The following ZZZ3 variants were observed in gnomAD, a reference collection of about 807,000 sequenced individuals.
The protein encoded by ZZZ3 is ZZ-type zinc finger-containing protein 3.
Under a neutral mutation model 95.2 loss-of-function variants are expected in ZZZ3, and 22 were observed. The observed-to-expected ratio is 0.23, with a 90% CI of 0.17 to 0.33. The LOEUF is 0.33. ZZZ3 is among the 10% of genes least tolerant of loss of function. The pLI is 1.00. For missense variants in ZZZ3, 885 were observed against 1,066.5 expected (o/e 0.83, Z 2.37); for synonymous variants, 335 against 358.9 (o/e 0.93, Z 0.75).
chr1:77,576,838 T>A (rs4949661), intron 11 of ZZZ3, among the ~76,000 whole-genome samples: 92,878 of 151,942 alleles, frequency 0.61, 30,542 homozygotes, highest in Non-Finnish European at 0.74. Flanking sequence ...TTGGGCCACA[T>A]TCAAAGCTGT....
chr1:77,681,076 T>C (rs1334469300), intron 1 of ZZZ3, among the ~76,000 whole-genome samples: 1 of 152,182 alleles, frequency 6.6e-6, no homozygotes, highest in Non-Finnish European at 1.5e-5. Context: ...TTTAATTTAG[T>C]TAAAAAATGT....
chr1:77,587,774 C>T (rs1157577925), intron 5 of ZZZ3, among the ~76,000 whole-genome samples: 2 of 152,174 alleles, frequency 1.3e-5, no homozygotes, highest in Non-Finnish European at 2.9e-5. Flanking sequence ...TCCACTTATA[C>T]ACAAATTTTC....
chr1:77,669,010 CAA>C (rs77072107), intron 1 of ZZZ3, among the ~76,000 whole-genome samples: 1 of 123,232 alleles, frequency 8.1e-6, no homozygotes, highest in Admixed American at 8.3e-5. Context: ...TTTTGTGTTA[CAA>C]AAAAAAAAAA....
At chr1:77,682,786 G>C (rs1168085340), upstream of ZZZ3, 1 of 152,216 alleles carries the variant, frequency 6.6e-6, no homozygotes, top group Non-Finnish European at 1.5e-5. Flanking sequence ...CTTCACTAAC[G>C]GAGTAGTGAA....
At chr1:77,656,569 T>G (rs940052512) in intron 1 of ZZZ3, among the ~76,000 whole-genome samples, 4 of 152,354 alleles carry the variant, frequency 2.6e-5, no homozygotes, top group Admixed American at 6.5e-5. Flanking sequence ...CTGAAATATC[T>G]TTTGATATCA....
chr1:77,597,266 C>T (rs1344316899), intron 5 of ZZZ3, among the ~76,000 whole-genome samples: 1 of 151,976 alleles, frequency 6.6e-6, no homozygotes, highest in Non-Finnish European at 1.5e-5. Flanking sequence ...ACATTATAAT[C>T]CAAAGTATAA....
chr1:77,662,933 C>A (rs1670935614), intron 1 of ZZZ3, among the ~76,000 whole-genome samples: 1 of 152,012 alleles, frequency 6.6e-6, no homozygotes, highest in Non-Finnish European at 1.5e-5. Flanking sequence ...AGTGACGCTC[C>A]GTCTCTACAA....
rs539997208 is a variant in ZZZ3 at position 77,658,483 on chromosome 1, T to C, written c.-402-16828A>G. Reference sequence around the variant, plus strand: ...TAGCCTCCCAAGTAGCTGGGACCTATAGTCATAGGTGTGTACACTACCACA... The same window carrying C: ...TAGCCTCCCAAGTAGCTGGGACCTACAGTCATAGGTGTGTACACTACCACA... On this transcript the variant is annotated intron_variant, in intron 1 of 14. Coordinates refer to ENST00000370801, the MANE Select transcript of ZZZ3 (RefSeq NM_015534.6). Among the ~76,000 whole-genome samples the C allele has an allele frequency of 4.6e-5, 7 of 150,550 alleles. No homozygotes were observed. In the East Asian group the frequency reaches 5.9e-4, roughly 13 times the overall value.
At chr1:77,604,897 T>A (rs1433156961) in intron 5 of ZZZ3, among the ~76,000 whole-genome samples, 1 of 152,128 alleles carries the variant, frequency 6.6e-6, no homozygotes, top group Non-Finnish European at 1.5e-5. Flanking sequence ...ACACACAAAT[T>A]TTTTTAACTG....
At chr1:77,574,430 A>C (rs1661727675) in intron 12 of ZZZ3, among the ~76,000 whole-genome samples, 1 of 152,098 alleles carries the variant, frequency 6.6e-6, no homozygotes, top group Non-Finnish European at 1.5e-5. Flanking sequence ...TTGCAATTAA[A>C]ATATGAACTT....
intron 14 of ZZZ3, 61 bp downstream of exon 14, chr1:77,566,020 T>C: frequency 7.4e-7 from 1 of 1,347,346 alleles, no homozygotes; most frequent in Non-Finnish European, 1.0e-6. Flanking sequence ...TCAAATTCAC[T>C]AATGGCTGAG....
chr1:77,598,778 TA>T (rs1664452773), intron 5 of ZZZ3, among the ~76,000 whole-genome samples: 1 of 152,186 alleles, frequency 6.6e-6, no homozygotes, highest in Admixed American at 6.5e-5. Context: ...AATACCTTTT[TA>T]GATATTATCT....
intron 5 of ZZZ3, among the ~76,000 whole-genome samples, chr1:77,605,752 G>A (rs185782592): frequency 9.7e-4 from 148 of 152,192 alleles, no homozygotes; most frequent in Non-Finnish European, 1.6e-3. Context: ...GGAACCCACT[G>A]CCTTGAAGGG....
intron 12 of ZZZ3, among the ~76,000 whole-genome samples, chr1:77,569,112 G>A (rs12082499): frequency 2.9e-4 from 44 of 152,296 alleles, no homozygotes; most frequent in African/African-American, 8.4e-4. Context: ...CGAGGTGGAC[G>A]GATCACTTTA....
chr1:77,666,634 A>T (rs1671275289), intron 1 of ZZZ3, among the ~76,000 whole-genome samples: 1 of 152,238 alleles, frequency 6.6e-6, no homozygotes, highest in African/African-American at 2.4e-5. Context: ...AAATTCAGCA[A>T]GTATTCACTG....
At chr1:77,630,353 G>A (rs530479285) in intron 5 of ZZZ3, among the ~76,000 whole-genome samples, 14 of 152,086 alleles carry the variant, frequency 9.2e-5, no homozygotes, top group Non-Finnish European at 1.9e-4. Flanking sequence ...GCATGTGCCT[G>A]TAGTCCCAGC....
intron 5 of ZZZ3, among the ~76,000 whole-genome samples, chr1:77,616,752 G>A (rs977222140): frequency 6.6e-6 from 1 of 152,062 alleles, no homozygotes; most frequent in African/African-American, 2.4e-5. Context: ...TGTAGTCCCA[G>A]CCCAGGAGGG....
chr1:77,573,530 C>T (rs200052313), intron 12 of ZZZ3, among the ~76,000 whole-genome samples: 3 of 152,234 alleles, frequency 2.0e-5, no homozygotes, highest in East Asian at 3.9e-4. Flanking sequence ...TTCATAACTA[C>T]GTATCTAATC....
intron 1 of ZZZ3, among the ~76,000 whole-genome samples, chr1:77,679,483 G>A (rs1462306758): frequency 1.3e-5 from 2 of 151,412 alleles, no homozygotes; most frequent in Non-Finnish European, 2.9e-5. Context: ...TTTCTTTTTT[G>A]GTAGAAACGT....
Sources: gnomAD v4.1 joint callset for allele counts (sites outside exome capture counted in the v4.1 genomes callset) on GRCh38, gnomAD v4.1.1 for gene constraint, MANE v1.5 for transcripts, NCBI Gene and HGNC (gene_info 2026-07-23, HGNC 2026-07-21) for gene names.